SLC35F3: variants seen among roughly 807,000 people sequenced by gnomAD.
SLC35F3 encodes solute carrier family 35 member F3.
SLC35F3 carries 25 observed loss-of-function variants against 49.9 expected under a neutral mutation model. The ratio of observed to expected loss-of-function variants is 0.50; its 90% CI spans 0.37 to 0.70. The LOEUF (loss-of-function observed/expected upper bound fraction) is 0.70. Among genes scored for constraint, SLC35F3 ranks in the 30% least tolerant of loss-of-function variants. The pLI, the probability that SLC35F3 is intolerant of heterozygous loss-of-function variation, is 0.00. For synonymous variants in SLC35F3, 275 were observed against 265.4 expected, an observed-to-expected ratio of 1.04 and a Z score of -0.35; for missense variants, 525 against 639.8, an observed-to-expected ratio of 0.82 and a Z score of 1.94.
intron 2 of SLC35F3, among the ~76,000 whole-genome samples, chr1:233,968,273 A>AGGGG: frequency 6.6e-6 from 1 of 152,132 alleles, no homozygotes; most frequent in Non-Finnish European, 1.5e-5. Flanking sequence ...AAGGACACAA[A>AGGGG]TCATTTTGGA....
chr1:234,261,896 T>A (rs1030583048), intron 3 of SLC35F3: 1 of 152,242 alleles, frequency 6.6e-6, no homozygotes, highest in African/African-American at 2.4e-5. Context: ...ACTAGTGTCG[T>A]ACAGCCAGTG....
At chr1:233,975,014 A>G (rs1376844178) in intron 2 of SLC35F3, among the ~76,000 whole-genome samples, 1 of 152,222 alleles carries the variant, frequency 6.6e-6, no homozygotes, top group Non-Finnish European at 1.5e-5. Context: ...CTGGGCATGG[A>G]AGGTGAGCGA....
chr1:234,043,809 G>C (rs1664255179), intron 2 of SLC35F3, among the ~76,000 whole-genome samples: 1 of 152,094 alleles, frequency 6.6e-6, no homozygotes, highest in Admixed American at 6.5e-5. Flanking sequence ...TATGAAATTT[G>C]CTTTATTTAC....
At chr1:234,322,655 G>GTGTGTGTA in intron 7 of SLC35F3, among the ~76,000 whole-genome samples, 1 of 61,510 alleles carries the variant, frequency 1.6e-5, no homozygotes, top group African/African-American at 6.7e-5. Flanking sequence ...AAATGCGTGT[G>GTGTGTGTA]TGTGTGTGTG....
chr1:233,952,647 C>G (rs146112687), intron 2 of SLC35F3, among the ~76,000 whole-genome samples: 1 of 152,208 alleles, frequency 6.6e-6, no homozygotes, highest in Non-Finnish European at 1.5e-5. Flanking sequence ...CACCACACCC[C>G]TGCTGTGGTG....
chr1:233,966,333 A>C (rs1314371196), intron 2 of SLC35F3, among the ~76,000 whole-genome samples: 8 of 152,212 alleles, frequency 5.3e-5, no homozygotes, highest in Admixed American at 5.2e-4. Context: ...GGGATACCCT[A>C]ATCAGACTTA....
intron 2 of SLC35F3, among the ~76,000 whole-genome samples, chr1:234,228,374 T>C (rs556175869): frequency 1.2e-4 from 18 of 152,366 alleles, no homozygotes; most frequent in African/African-American, 4.1e-4. Flanking sequence ...TCCTGTTATA[T>C]AGTCAGAATC....
intron 2 of SLC35F3, among the ~76,000 whole-genome samples, chr1:234,067,298 G>A (rs1281044041): frequency 1.3e-5 from 2 of 151,972 alleles, no homozygotes; most frequent in African/African-American, 2.4e-5. Flanking sequence ...TAGCATACTC[G>A]CCTCTAGTAA....
intron 2 of SLC35F3, among the ~76,000 whole-genome samples, chr1:234,195,519 A>G (rs1666794447): frequency 6.6e-6 from 1 of 152,082 alleles, no homozygotes; most frequent in Non-Finnish European, 1.5e-5. Context: ...TATAGCATCA[A>G]GCTCCTTTTC....
chr1:234,103,499 A>G (rs1479245158), intron 2 of SLC35F3, among the ~76,000 whole-genome samples: 1 of 151,946 alleles, frequency 6.6e-6, no homozygotes, highest in Non-Finnish European at 1.5e-5. Context: ...CAAAGCATAA[A>G]CCTCAGCAGC....
chr1:234,011,391 C>T (rs538182497), intron 2 of SLC35F3, among the ~76,000 whole-genome samples: 11 of 152,082 alleles, frequency 7.2e-5, no homozygotes, highest in South Asian at 2.1e-4. Flanking sequence ...GTATGCTTTG[C>T]GAATATTTAT....
chr1:234,238,084 G>T (rs1323088226), intron 3 of SLC35F3, among the ~76,000 whole-genome samples: 4 of 152,104 alleles, frequency 2.6e-5, no homozygotes, highest in African/African-American at 9.7e-5. Context: ...TGTTTTTGTT[G>T]TTTGTTTGTG....
intron 2 of SLC35F3, among the ~76,000 whole-genome samples, chr1:234,023,351 G>A (rs927266955): frequency 6.6e-6 from 1 of 152,168 alleles, no homozygotes; most frequent in Non-Finnish European, 1.5e-5. Flanking sequence ...GCATTGATGA[G>A]GGTATGTCGT....
At position 233,967,415 on chromosome 1, in the gene SLC35F3, C is replaced by T. The variant is rs767439526; in HGVS notation, c.283+61657C>T. Among the ~76,000 whole-genome samples, 17 of 152,076 alleles carry T rather than the reference C, an allele frequency of 1.1e-4. 1 individual carries two copies. The highest frequency in any genetic ancestry group is 3.6e-4 in the African/African-American group (15 of 41,474). On this transcript the variant is annotated intron_variant, in intron 2 of 7. Transcript: ENST00000366618. Reference sequence around the variant, plus strand: ...TTAATTTTTAGCTAGATTATCTGGCCGATGAACTATGATGAATATAAACAA... The same window carrying T: ...TTAATTTTTAGCTAGATTATCTGGCTGATGAACTATGATGAATATAAACAA...
chr1:234,189,253 A>G (rs1341943637), intron 2 of SLC35F3, among the ~76,000 whole-genome samples: 1 of 152,126 alleles, frequency 6.6e-6, no homozygotes, highest in Non-Finnish European at 1.5e-5. Flanking sequence ...CAGAAGGTTG[A>G]TTATTAAGCT....
At chr1:234,099,651 G>A (rs1045198886) in intron 2 of SLC35F3, among the ~76,000 whole-genome samples, 4 of 147,734 alleles carry the variant, frequency 2.7e-5, no homozygotes, top group Non-Finnish European at 3.0e-5. Flanking sequence ...TTACCAACAT[G>A]TACTGCATCT....
chr1:234,036,330 C>T (rs1006626972), intron 2 of SLC35F3, among the ~76,000 whole-genome samples: 3 of 152,162 alleles, frequency 2.0e-5, no homozygotes, highest in Admixed American at 6.5e-5. Context: ...CGTCCCAAGT[C>T]ACTGAGATTA....
chr1:234,316,541 T>G, intron 4 of SLC35F3, 61 bp from the exon 5 acceptor site: 1 of 1,552,046 alleles, frequency 6.4e-7, no homozygotes, highest in East Asian at 2.3e-5. Context: ...CTTTGGCGCT[T>G]GCATACTCCC....
At chr1:233,930,419 C>G (rs960678233) in intron 2 of SLC35F3, among the ~76,000 whole-genome samples, 1 of 152,182 alleles carries the variant, frequency 6.6e-6, no homozygotes, top group African/African-American at 2.4e-5. Flanking sequence ...TCCCACCTGG[C>G]AATCTATAGA....
Sources: gnomAD v4.1 joint callset for allele counts (sites outside exome capture counted in the v4.1 genomes callset) on GRCh38, gnomAD v4.1.1 for gene constraint, MANE v1.5 for transcripts, NCBI Gene and HGNC (gene_info 2026-07-23, HGNC 2026-07-21) for gene names.